Variants in NPIPB11 observed in about 807,000 individuals in gnomAD.
NPIPB11 encodes nuclear pore complex-interacting protein family member B11.
NPIPB11 carries 17 observed loss-of-function variants against 32.8 expected under a neutral mutation model. That is an observed-to-expected ratio of 0.52 (90% CI 0.35 to 0.78). NPIPB11 has a LOEUF of 0.78. Among genes scored for constraint, NPIPB11 ranks in the 30% least tolerant of loss-of-function variants. NPIPB11 has a pLI of 0.01. For synonymous variants in NPIPB11, 209 were observed against 398.4 expected, an observed-to-expected ratio of 0.52 and a Z score of 5.66; for missense variants, 537 against 1,000.4, an observed-to-expected ratio of 0.54 and a Z score of 6.25.
intron 2 of NPIPB11, among the ~76,000 whole-genome samples, chr16:29,397,375 C>A (rs529737222): frequency 1.5e-4 from 23 of 151,352 alleles, no homozygotes; most frequent in Admixed American, 1.4e-3. Context: ...CCCGACTAAT[C>A]TTTTTTGGAA....
chr16:29,406,402 G>A (rs1964114741), upstream of NPIPB11, among the ~76,000 whole-genome samples: 1 of 152,222 alleles, frequency 6.6e-6, no homozygotes, highest in African/African-American at 2.4e-5. Flanking sequence ...CTAAATGTTT[G>A]CTAAAGTTAT....
At chr16:29,406,143 C>A (rs1964107904), upstream of NPIPB11, among the ~76,000 whole-genome samples, 1 of 152,264 alleles carries the variant, frequency 6.6e-6, no homozygotes, top group South Asian at 2.1e-4. Flanking sequence ...ATTTTTTCAG[C>A]TGCATCCCTT....
chr16:29,391,664 C>A (rs1963725756), intron 3 of NPIPB11, among the ~76,000 whole-genome samples: 1 of 152,124 alleles, frequency 6.6e-6, no homozygotes, highest in South Asian at 2.1e-4. Context: ...AGCGAAAATG[C>A]AATGCAAATC....
chr16:29,384,279 G>C (rs771602924), exon 8 of NPIPB11: 1 of 1,046,438 alleles, frequency 9.6e-7, no homozygotes, highest in Non-Finnish European at 1.3e-6. Flanking sequence ...CTCCGCTGCC[G>C]CCATTCTGAC....
exon 8 of NPIPB11, chr16:29,383,125 G>T: frequency 6.3e-7 from 1 of 1,595,554 alleles, no homozygotes; most frequent in Non-Finnish European, 8.5e-7. Context: ...CTGACGCTCG[G>T]AAGGTCTCTT....
At chr16:29,393,948 C>A (rs1224616617) in exon 3 of NPIPB11, 9 of 1,595,470 alleles carry the variant, frequency 5.6e-6, no homozygotes, top group East Asian at 2.2e-5. Context: ...GTATACTCAC[C>A]CAAAGGTAAA....
intron 5 of NPIPB11, among the ~76,000 whole-genome samples, chr16:29,389,317 G>A (rs1335467924): frequency 7.0e-6 from 1 of 143,612 alleles, no homozygotes; most frequent in Non-Finnish European, 1.5e-5. Context: ...AGCCAAGACT[G>A]CACCATAGCA....
At chr16:29,389,194 C>CAA (rs1166217249) in intron 5 of NPIPB11, among the ~76,000 whole-genome samples, 1,329 of 50,166 alleles carry the variant, frequency 0.026, 14 homozygotes, top group East Asian at 0.037. Flanking sequence ...GACTCTGTCT[C>CAA]AAAAAAAAAA....
chr16:29,389,646 CA>C (rs1963660741), intron 5 of NPIPB11, among the ~76,000 whole-genome samples: 1 of 93,830 alleles, frequency 1.1e-5, no homozygotes, highest in Non-Finnish European at 1.9e-5. Context: ...GCCTGGGCAA[CA>C]ACAGCAAAGC....
intron 2 of NPIPB11, among the ~76,000 whole-genome samples, chr16:29,395,965 G>A (rs1225383311): frequency 8.0e-5 from 12 of 150,564 alleles, no homozygotes; most frequent in South Asian, 2.1e-4. Flanking sequence ...GTGACAGAGC[G>A]AGACTCTGTC....
chr16:29,397,502 A>C (rs1257430962), intron 2 of NPIPB11: 17 of 1,456,032 alleles, frequency 1.2e-5, no homozygotes, highest in East Asian at 2.9e-5. Context: ...TGAGCTGTGT[A>C]ATTTCATGCC....
At chr16:29,400,366 G>A (rs1216034806) in intron 2 of NPIPB11, among the ~76,000 whole-genome samples, 2 of 151,770 alleles carry the variant, frequency 1.3e-5, no homozygotes, top group African/African-American at 2.4e-5. Flanking sequence ...TGGAGGCATG[G>A]CCAGGCACCT....
chr16:29,405,397 A>G (rs946538931), upstream of NPIPB11, among the ~76,000 whole-genome samples: 11 of 152,276 alleles, frequency 7.2e-5, no homozygotes, highest in South Asian at 4.2e-4. Flanking sequence ...AGCAGAGAAC[A>G]AACTGACAGG....
rs1233032854 is a variant in NPIPB11, at chr16:29,391,242, G to C, written c.250-894C>G. ...AGATCCCACCACTGCACTCCAGCCTGGTGACAGAGTGAGACTCCGTCTCAA... is the reference window on the plus strand; with the variant it reads ...AGATCCCACCACTGCACTCCAGCCTCGTGACAGAGTGAGACTCCGTCTCAA... On this transcript the variant is annotated intron_variant, in intron 3 of 7. Transcript: ENST00000524087. Among the ~76,000 whole-genome samples the C allele has an allele frequency of 3.0e-5, 4 of 134,574 alleles. No individual in the cohort carries two copies. In the East Asian group the frequency reaches 6.2e-4, roughly 21 times the overall value. 88.3% of individuals were successfully genotyped at this position (134,574 alleles called of 152,430 possible).
chr16:29,400,498 C>T (rs939207714), intron 2 of NPIPB11, among the ~76,000 whole-genome samples: 1 of 149,738 alleles, frequency 6.7e-6, no homozygotes, highest in South Asian at 2.2e-4. Context: ...TAGGAGGAAG[C>T]AATCTGTTGA....
At chr16:29,400,038 T>G (rs1367569670) in intron 2 of NPIPB11, among the ~76,000 whole-genome samples, 1 of 151,816 alleles carries the variant, frequency 6.6e-6, no homozygotes, top group East Asian at 1.9e-4. Flanking sequence ...GATCGTGCCA[T>G]TCCACTCCAG....
rs181984158 is a variant in NPIPB11 at position 29,401,170 on chromosome 16, T to A, written c.120+2513A>T. Among the ~76,000 whole-genome samples the A allele has an allele frequency of 3.2e-3, 480 of 152,158 alleles. 3 individuals carry two copies. Among genetic ancestry groups the A allele is most frequent in the Non-Finnish European group, 5.9e-3 (400 of 68,000 alleles). On this transcript the variant is annotated intron_variant, in intron 2 of 7. Coordinates refer to ENST00000524087, the Ensembl canonical transcript of NPIPB11. ...AATAGTTTACAACCTCCAGCCCTAA[T>A]CTGAGCACTCTTGAACCTGTGCAAT...
chr16:29,393,536 T>C (rs1335298114), intron 3 of NPIPB11, among the ~76,000 whole-genome samples: 2 of 151,870 alleles, frequency 1.3e-5, no homozygotes, highest in African/African-American at 4.8e-5. Context: ...GTTTTTCTTT[T>C]CCTGTTAAGC....
intron 3 of NPIPB11, among the ~76,000 whole-genome samples, chr16:29,391,000 A>AG (rs1963708901): frequency 6.6e-6 from 1 of 150,386 alleles, no homozygotes; most frequent in South Asian, 2.1e-4. Flanking sequence ...CACCTGCGGT[A>AG]GCTCATGCCT....
Sources: gnomAD v4.1 joint callset for allele counts (sites outside exome capture counted in the v4.1 genomes callset) on GRCh38, gnomAD v4.1.1 for gene constraint, MANE v1.5 for transcripts, NCBI Gene and HGNC (gene_info 2026-07-23, HGNC 2026-07-21) for gene names.